The following OSMR variants were observed in gnomAD, a reference collection of about 807,000 sequenced individuals.
OSMR encodes oncostatin M receptor, also known as oncostatin-M-specific receptor subunit beta.
In OSMR, 81 loss-of-function variants were observed where a neutral mutation model predicts 99.9. That is an observed-to-expected ratio of 0.81 (90% CI 0.68 to 0.97). OSMR has a LOEUF of 0.97. OSMR is among the 50% of genes least tolerant of loss of function. OSMR has a pLI of 0.00. For synonymous variants in OSMR, 406 were observed against 410.4 expected (o/e 0.99, Z 0.13); for missense variants, 1,099 against 1,153.4 (o/e 0.95, Z 0.68).
At chr5:38,941,476 A>G (rs1747565989) in intron 1 of OSMR, 1 of 231,650 alleles carries the variant, frequency 4.3e-6, no homozygotes, top group South Asian at 1.8e-4. Flanking sequence ...TCCTGTTTAA[A>G]GCGATGAGAT....
intron 7 of OSMR, among the ~76,000 whole-genome samples, chr5:38,893,781 A>C (rs1382973276): frequency 6.6e-6 from 1 of 152,224 alleles, no homozygotes; most frequent in East Asian, 1.9e-4. Flanking sequence ...AAACCTCTGT[A>C]ATCTTGCTAG....
downstream of OSMR, chr5:38,945,132 G>T: frequency 9.0e-7 from 1 of 1,116,340 alleles, no homozygotes; most frequent in East Asian, 2.5e-5. Context: ...TGCTTACATT[G>T]CATGCTAAAA....
At chr5:38,924,885 T>C (rs1331208606) in intron 14 of OSMR, among the ~76,000 whole-genome samples, 1 of 152,096 alleles carries the variant, frequency 6.6e-6, no homozygotes, top group African/African-American at 2.4e-5. Context: ...CTCTTTTTTT[T>C]TTCACTTTAT....
intron 1 of OSMR, among the ~76,000 whole-genome samples, chr5:38,867,516 G>A (rs936114888): frequency 1.3e-5 from 2 of 152,188 alleles, no homozygotes; most frequent in African/African-American, 2.4e-5. Flanking sequence ...AGAGTTTGAA[G>A]GAGAAAAGTG....
At chr5:38,932,349 G>A in intron 16 of OSMR, 114 bp from the exon 17 acceptor site, 1 of 773,362 alleles carries the variant, frequency 1.3e-6, no homozygotes, top group Non-Finnish European at 2.3e-6. Flanking sequence ...TAAGTAACTT[G>A]CTTAATAAGT....
chr5:38,923,571 A>G lies in OSMR; in HGVS notation c.1870+317A>G, dbSNP rs77599657. Among the ~76,000 whole-genome samples, 376 of 152,330 alleles carry G rather than the reference A, an allele frequency of 2.5e-3. 5 individuals carry two copies. Among genetic ancestry groups the G allele is most frequent in the African/African-American group, 8.3e-3 (343 of 41,558 alleles). ...GAAGTCTTAAAGATAGGATGCTGGAATCAAAGGGTTTCAGCTTTTAAAATT... is the reference window on the plus strand; with the variant it reads ...GAAGTCTTAAAGATAGGATGCTGGAGTCAAAGGGTTTCAGCTTTTAAAATT... On this transcript the variant is annotated intron_variant, in intron 13 of 17. Transcript: ENST00000274276.
At chr5:38,864,559 A>C (rs1398953524) in intron 1 of OSMR, among the ~76,000 whole-genome samples, 1 of 109,158 alleles carries the variant, frequency 9.2e-6, no homozygotes, top group African/African-American at 3.3e-5. Context: ...TTTTTCTTTT[A>C]GTACTTAGAA....
At position 38,933,335 on chromosome 5, in the gene OSMR, A is replaced by C. The variant is rs576664269; in HGVS notation, c.2831A>C (p.Glu944Ala). 15 of 1,614,092 alleles carry C rather than the reference A, an allele frequency of 9.3e-6. No individual in the cohort carries two copies. The highest frequency in any genetic ancestry group is 1.3e-5 in the Non-Finnish European group (15 of 1,180,036). Residue 944 changes from glutamate (E) to alanine (A), a missense_variant, in exon 18 of 18, where the codon GAG becomes GCG. Physicochemically the swap from Glu to Ala is moderately radical, Grantham distance 107. Coordinates refer to ENST00000274276, the MANE Select transcript of OSMR (RefSeq NM_003999.3). ...TNPVEAPHCS[E>A]YKMQMAVSLR... ...CCAGTAGAGGCACCACACTGTTCAG[A>C]GTATAAAATGCAAATGGCAGTCTCC...
chr5:38,881,168 AT>A (rs1376095793), intron 3 of OSMR, among the ~76,000 whole-genome samples: 2 of 152,038 alleles, frequency 1.3e-5, no homozygotes, highest in Non-Finnish European at 2.9e-5. Flanking sequence ...CTTGCTAAAG[AT>A]GAATATTTTT....
intron 11 of OSMR, among the ~76,000 whole-genome samples, chr5:38,921,257 C>A (rs987300948): frequency 6.6e-6 from 1 of 151,878 alleles, no homozygotes; most frequent in Non-Finnish European, 1.5e-5. Context: ...TTTTTACAAC[C>A]CTTAAAATGT....
chr5:38,923,229 A>G lies in OSMR; in HGVS notation c.1845A>G (p.Lys615=), dbSNP rs376890828. ...AAAGGATTGCTTGTTTATTAGAGAA[A>G]AAAACAGGATACTCTCAGGAACTTG... ...STKRIACLLE[K]KTGYSQELAP... The change falls in exon 13 of 18, where the codon AAA becomes AAG. Residue 615 remains lysine, a synonymous_variant. Transcript: ENST00000274276. 4.4e-6 allele frequency: 7 copies of G among 1,606,024 alleles called. No individual in the cohort carries two copies. Among genetic ancestry groups the G allele is most frequent in the Middle Eastern group, 1.7e-4 (1 of 6,048 alleles).
intron 7 of OSMR, among the ~76,000 whole-genome samples, chr5:38,891,266 A>G (rs1744138284): frequency 6.6e-6 from 1 of 152,332 alleles, no homozygotes; most frequent in Non-Finnish European, 1.5e-5. Context: ...AAACAGTCTG[A>G]TTTTGTAGAA....
chr5:38,888,120 T>C (rs1042003796), intron 7 of OSMR, among the ~76,000 whole-genome samples: 1 of 152,132 alleles, frequency 6.6e-6, no homozygotes, highest in East Asian at 1.9e-4. Flanking sequence ...TGCAGCAGAA[T>C]AGTGGCTGCT....
intron 9 of OSMR, among the ~76,000 whole-genome samples, chr5:38,909,639 G>A (rs1745450569): frequency 6.6e-6 from 1 of 152,148 alleles, no homozygotes; most frequent in Non-Finnish European, 1.5e-5. Flanking sequence ...AGCTTCATAA[G>A]TGAATGAGAA....
In OSMR at chr5:38,904,468, A is replaced by C; in HGVS notation, c.1250A>C (p.Glu417Ala). The change falls in exon 9 of 18, where the codon GAA becomes GCA. Residue 417 changes from glutamate (E) to alanine (A), a missense_variant. Coordinates refer to ENST00000274276, the MANE Select transcript of OSMR (RefSeq NM_003999.3). Reference protein sequence around the residue: ...ADASHFWKWSEWSGQNFTTLE... With the variant: ...ADASHFWKWSAWSGQNFTTLE... ...GCCAGCCACTTCTGGAAATGGAGTG[A>C]ATGGAGTGGTCAGAACTTCACCACA... 1 of 1,614,150 alleles carries C rather than the reference A, an allele frequency of 6.2e-7. No homozygotes were observed. The highest frequency in any genetic ancestry group is 8.5e-7 in the Non-Finnish European group (1 of 1,180,046).
intron 1 of OSMR, among the ~76,000 whole-genome samples, chr5:38,848,782 T>TTG (rs933927798): frequency 1.3e-5 from 2 of 152,304 alleles, no homozygotes; most frequent in East Asian, 3.9e-4. Context: ...GTTATTCTTT[T>TTG]TGTGTGTGTG....
Position 38,883,980 on chromosome 5 carries a change from T to G in OSMR, c.572T>G (p.Leu191Arg). Reference protein sequence around the residue: ...LEGKQIHGEQLDPHVTAFNLN... With the variant: ...LEGKQIHGEQRDPHVTAFNLN... ...GGGAAACAGATTCATGGAGAACAAC[T>G]TGATCCACATGTAACTGCATTCAAC... The change falls in exon 5 of 18, where the codon CTT (leucine) becomes CGT (arginine). Residue 191 changes from leucine to arginine, a missense_variant. Transcript: ENST00000274276. 2 of 1,613,730 alleles carry G rather than the reference T, an allele frequency of 1.2e-6. No individual in the cohort carries two copies. Among genetic ancestry groups the G allele is most frequent in the Non-Finnish European group, 1.7e-6 (2 of 1,179,594 alleles).
In OSMR at chr5:38,882,667, T is replaced by C. The variant is rs143619653; in HGVS notation, c.418+903T>C. ...GGGTGGGGGGAAGGGGGGTGGAATA[T>C]GGAAAAATGAAAGTGGTGTGTTATT... is the stretch of plus-strand genomic sequence containing the variant. On this transcript the variant is annotated intron_variant, in intron 4 of 17. Transcript: ENST00000274276. Among the ~76,000 whole-genome samples the C allele has an allele frequency of 4.0e-3, 609 of 152,184 alleles. 2 individuals are homozygous for C. The highest frequency in any genetic ancestry group is 0.014 in the African/African-American group (586 of 41,534).
chr5:38,902,309 G>A (rs1744946409), intron 7 of OSMR, among the ~76,000 whole-genome samples: 1 of 152,196 alleles, frequency 6.6e-6, no homozygotes, highest in Non-Finnish European at 1.5e-5. Flanking sequence ...TCAGATGGAG[G>A]TGGCCTTCTG....
Sources: allele counts gnomAD v4.1 joint callset (sites outside exome capture counted in the v4.1 genomes callset), GRCh38; gene constraint gnomAD v4.1.1; transcripts MANE v1.5; gene names NCBI Gene and HGNC (gene_info 2026-07-23, HGNC 2026-07-21).